ABRAXAS2: variants seen among roughly 807,000 people sequenced by gnomAD.
ABRAXAS2 encodes abraxas 2, BRISC complex subunit, also known as BRISC complex subunit Abraxas 2.
Under a neutral mutation model 49.0 loss-of-function variants are expected in ABRAXAS2, and 23 were observed. The ratio of observed to expected loss-of-function variants is 0.47; its 90% CI spans 0.34 to 0.66. The LOEUF (loss-of-function observed/expected upper bound fraction) is 0.66, where lower values mean the gene tolerates loss of function less well. Ranked by LOEUF, ABRAXAS2 falls within the 30% of genes least tolerant of loss-of-function variation. The pLI is 0.01. For missense variants in ABRAXAS2, 443 were observed against 511.9 expected (o/e 0.87, Z 1.30); for synonymous variants, 168 against 180.2 (o/e 0.93, Z 0.54).
At position 124,828,765 on chromosome 10, in the gene ABRAXAS2, G is replaced by A. The variant is rs1372968019; in HGVS notation, c.468G>A (p.Gln156=). 3.0e-5 allele frequency: 48 copies of A among 1,613,262 alleles called. No homozygotes were observed. The highest frequency in any genetic ancestry group is 3.7e-5 in the Non-Finnish European group (44 of 1,179,580). ...VLFRPNRRYN[Q]RISLAIPNLG... ...TGAATTTTTCCCATAGGTATAATCA[G>A]AGGATATCACTCGCTATTCCCAATC... Residue 156 remains glutamine (Q), a synonymous_variant, in exon 6 of 9, where the codon CAG becomes CAA. Transcript: ENST00000298492.
intron 7 of ABRAXAS2, among the ~76,000 whole-genome samples, chr10:124,830,921 T>C (rs192290307): frequency 1.6e-4 from 25 of 152,368 alleles, no homozygotes; most frequent in Non-Finnish European, 1.8e-4. Context: ...TTTTCAACTT[T>C]TCTTTAAAAA....
At chr10:124,822,980 A>G (rs954918915) in intron 4 of ABRAXAS2, among the ~76,000 whole-genome samples, 2 of 152,178 alleles carry the variant, frequency 1.3e-5, no homozygotes, top group African/African-American at 4.8e-5. Flanking sequence ...AAGTTGGTCT[A>G]TAGTTTTGAT....
intron 2 of ABRAXAS2, among the ~76,000 whole-genome samples, chr10:124,809,112 C>T (rs1032145073): frequency 1.3e-5 from 2 of 151,182 alleles, no homozygotes; most frequent in Admixed American, 1.3e-4. Context: ...GCCTGGGCAA[C>T]AAGAGCGAAA....
At chr10:124,820,368 C>T (rs1030947272) in intron 4 of ABRAXAS2, among the ~76,000 whole-genome samples, 1 of 152,224 alleles carries the variant, frequency 6.6e-6, no homozygotes, top group African/African-American at 2.4e-5. Flanking sequence ...TAGTGATTTG[C>T]CTGGGAGCAG....
chr10:124,809,905 A>G (rs1950775024), intron 2 of ABRAXAS2, among the ~76,000 whole-genome samples: 1 of 151,614 alleles, frequency 6.6e-6, no homozygotes, highest in Non-Finnish European at 1.5e-5. Flanking sequence ...GGCATGCGCC[A>G]CCATGCCCGG....
intron 2 of ABRAXAS2, among the ~76,000 whole-genome samples, chr10:124,809,385 A>G (rs1950769776): frequency 6.6e-6 from 1 of 151,836 alleles, no homozygotes; most frequent in South Asian, 2.1e-4. Context: ...CCCGGGTTCA[A>G]GCGATTCTCC....
chr10:124,822,185 GGC>G (rs1354754843), intron 4 of ABRAXAS2, among the ~76,000 whole-genome samples: 7 of 152,144 alleles, frequency 4.6e-5, no homozygotes, highest in African/African-American at 1.4e-4. Context: ...CAGTTCTGTT[GGC>G]GCTTCCATAC....
chr10:124,808,829 G>C (rs1345092393), intron 2 of ABRAXAS2, among the ~76,000 whole-genome samples: 2 of 152,118 alleles, frequency 1.3e-5, no homozygotes, highest in Non-Finnish European at 2.9e-5. Context: ...AGTGGTTTGT[G>C]GTTTGAAATA....
chr10:124,804,305 T>C (rs1950725919), intron 1 of ABRAXAS2, among the ~76,000 whole-genome samples: 1 of 152,198 alleles, frequency 6.6e-6, no homozygotes, highest in African/African-American at 2.4e-5. Context: ...TAATTTGAAT[T>C]TTAGATAAAT....
chr10:124,821,063 A>G (rs1281398109), intron 4 of ABRAXAS2, among the ~76,000 whole-genome samples: 2 of 151,630 alleles, frequency 1.3e-5, no homozygotes, highest in Non-Finnish European at 2.9e-5. Context: ...ACAGGTATGC[A>G]CCACCACACC....
intron 1 of ABRAXAS2, among the ~76,000 whole-genome samples, chr10:124,805,265 C>G (rs1950733717): frequency 6.7e-6 from 1 of 149,896 alleles, no homozygotes; most frequent in African/African-American, 2.5e-5. Flanking sequence ...CCCCGGGAGG[C>G]GGAGCTTGCA....
chr10:124,828,838 ACTT>A lies in ABRAXAS2; in HGVS notation c.544_546del (p.Ser182del), dbSNP rs780753317. The A allele has an allele frequency of 6.2e-7, 1 of 1,613,970 alleles. No individual in the cohort carries two copies. Among genetic ancestry groups the A allele is most frequent in the Non-Finnish European group, 8.5e-7 (1 of 1,179,872 alleles). On this transcript the variant is annotated inframe_deletion, in exon 6 of 9. Coordinates refer to ENST00000298492, the MANE Select transcript of ABRAXAS2 (RefSeq NM_032182.4). ...GTACAAAGTGTCTTCAGTGCCAAAT[ACTT>A]CTCAGAGTTATGCCAAAGTGATTAA...
Position 124,803,204 on chromosome 10 carries a change from C to T in ABRAXAS2, c.72+1303C>T, listed in dbSNP as rs564425689. On this transcript the variant is annotated intron_variant, in intron 1 of 8. Coordinates refer to ENST00000298492, the MANE Select transcript of ABRAXAS2 (RefSeq NM_032182.4). ...GATTACTGTAAGAACAAGCAGCTAC[C>T]TGTTGAAAAAAATTAATTCAAGAGA... Among the ~76,000 whole-genome samples, 15 of 152,170 alleles carry T rather than the reference C, an allele frequency of 9.9e-5. No individual in the cohort carries two copies. The South Asian group carries it at 2.7e-3, about 27-fold the overall frequency.
At chr10:124,811,211 C>CA (rs1313614011) in intron 2 of ABRAXAS2, among the ~76,000 whole-genome samples, 6 of 151,306 alleles carry the variant, frequency 4.0e-5, no homozygotes, top group African/African-American at 1.5e-4. Flanking sequence ...GACTCCATCT[C>CA]AAAAAAATAA....
chr10:124,830,574 C>T (rs75391375), intron 7 of ABRAXAS2, among the ~76,000 whole-genome samples: 8,330 of 152,268 alleles, frequency 0.055, 744 homozygotes, highest in African/African-American at 0.19. Flanking sequence ...GAGCCATTTC[C>T]AGTCTAGTGT....
chr10:124,828,735 C>T, intron 5 of ABRAXAS2, 21 bp from the exon 6 acceptor site: 1 of 1,605,804 alleles, frequency 6.2e-7, no homozygotes. Flanking sequence ...TTAACATGAT[C>T]TCTCTGAATT....
rs553829283 is a variant in ABRAXAS2, at chr10:124,825,889, C to T, written c.268-706C>T. ...GATTTGGGTGGGGTCCAGGAATCTGCACTTTAGGGATGGGGTCCAGGAATC... is the reference window on the plus strand; with the variant it reads ...GATTTGGGTGGGGTCCAGGAATCTGTACTTTAGGGATGGGGTCCAGGAATC... On this transcript the variant is annotated intron_variant, in intron 4 of 8. Transcript: ENST00000298492. Among the ~76,000 whole-genome samples the T allele has an allele frequency of 3.9e-5, 6 of 152,236 alleles. No homozygotes were observed. The South Asian group carries it at 1.2e-3, about 32-fold the overall frequency.
At chr10:124,821,243 T>G (rs896523554) in intron 4 of ABRAXAS2, among the ~76,000 whole-genome samples, 14 of 149,672 alleles carry the variant, frequency 9.4e-5, no homozygotes, top group Non-Finnish European at 1.9e-4. Flanking sequence ...GAAAAATGAG[T>G]AACGACCATG....
intron 7 of ABRAXAS2, 48 bp downstream of exon 7, chr10:124,829,525 G>A: frequency 7.8e-7 from 1 of 1,282,914 alleles, no homozygotes. Context: ...TTGCCCAAAA[G>A]CTTTTAATTC....
Sources: gnomAD v4.1 joint callset for allele counts (sites outside exome capture counted in the v4.1 genomes callset) on GRCh38, gnomAD v4.1.1 for gene constraint, MANE v1.5 for transcripts, NCBI Gene and HGNC (gene_info 2026-07-23, HGNC 2026-07-21) for gene names.